The following ZBED4 variants were observed in gnomAD, a reference collection of about 807,000 sequenced individuals.
ZBED4 encodes zinc finger BED-type containing 4, also known as zinc finger BED domain-containing protein 4.
ZBED4 carries 4 observed loss-of-function variants against 15.5 expected under a neutral mutation model. The observed-to-expected ratio is 0.26, with a 90% CI of 0.13 to 0.59. The LOEUF is 0.59. Among genes scored for constraint, ZBED4 ranks in the 20% least tolerant of loss-of-function variants. ZBED4 has a pLI of 0.90. For missense variants in ZBED4, 1,323 were observed against 1,461.8 expected (o/e 0.91, Z 1.55); for synonymous variants, 692 against 608.5 (o/e 1.14, Z -2.02).
At chr22:49,876,191 GT>G (rs1181750785) in intron 1 of ZBED4, among the ~76,000 whole-genome samples, 3 of 152,028 alleles carry the variant, frequency 2.0e-5, no homozygotes, top group Non-Finnish European at 4.4e-5. Context: ...TTGCTTTATT[GT>G]CCAGAGAAGA....
At position 49,886,347 on chromosome 22, in the gene ZBED4, CT is replaced by C; in HGVS notation, c.2687del (p.Phe896SerfsTer26). Reference protein sequence around the residue: ...QDVPSKWSTSFHMLERLIEQK... With the variant: ...QDVPSKWSTSXHMLERLIEQK... ...ACGTCCCGTCCAAGTGGAGCACTTC[CT>C]TCCACATGCTCGAGCGGCTCATTGA... is the stretch of plus-strand genomic sequence containing the variant. On this transcript the variant is annotated frameshift_variant, in exon 2 of 2. Coordinates refer to ENST00000216268, the MANE Select transcript of ZBED4 (RefSeq NM_014838.3). LOFTEE classifies it high-confidence loss of function. This position sits in a 1 kb window ranked among gnomAD's most constrained non-coding sequence, Gnocchi z 7.7. 1.2e-6 allele frequency: 2 copies of C among 1,607,478 alleles called. No homozygotes were observed. The highest frequency in any genetic ancestry group is 1.7e-6 in the Non-Finnish European group (2 of 1,175,106).
In ZBED4 at chr22:49,883,849, G is replaced by A; in HGVS notation, c.187G>A (p.Gly63Arg). 6.2e-7 allele frequency: 1 copy of A among 1,609,362 alleles called. No homozygotes were observed. The change falls in exon 2 of 2, where the codon GGG becomes AGG. Residue 63 changes from glycine to arginine, a missense_variant. This residue lies in a region of ZBED4 where 380 missense variants were observed against 413.7 expected (regional missense o/e 0.92). Coordinates refer to ENST00000216268, the MANE Select transcript of ZBED4 (RefSeq NM_014838.3). Reference protein sequence around the residue: ...DSGGERAGLGGTGCSCKPPGK... With the variant: ...DSGGERAGLGRTGCSCKPPGK... ...CGGTGGGGAGCGAGCGGGCCTCGGT[G>A]GGACGGGTTGCAGCTGCAAGCCCCC...
chr22:49,853,424 G>A (rs963001434), upstream of ZBED4: 2 of 152,324 alleles, frequency 1.3e-5, no homozygotes, highest in South Asian at 2.1e-4. Context: ...CGCCAGGTAA[G>A]GGGGTTCGGG....
chr22:49,885,552 G>T lies in ZBED4; in HGVS notation c.1890G>T (p.Pro630=). 1 of 1,604,762 alleles carries T rather than the reference G, an allele frequency of 6.2e-7. No homozygotes were observed. The highest frequency in any genetic ancestry group is 8.5e-7 in the Non-Finnish European group (1 of 1,172,522). The change falls in exon 2 of 2, where the codon CCG becomes CCT. Residue 630 remains proline (P), a synonymous_variant. Transcript: ENST00000216268. The part of the protein sequence containing the change: ...ARPSSPDTRV[P]RGTELSGASS... The stretch of plus-strand genomic sequence containing the variant: ...CCTCCTCTCCGGACACCCGGGTGCC[G>T]CGGGGCACAGAATTATCAGGCGCTT...
chr22:49,871,199 T>A (rs2060345845), intron 1 of ZBED4, among the ~76,000 whole-genome samples: 2 of 23,602 alleles, frequency 8.5e-5, no homozygotes, highest in Non-Finnish European at 1.7e-4. Flanking sequence ...CGTGAGTCAC[T>A]GTGCCTGGCT....
chr22:49,883,995 C>G lies in ZBED4; in HGVS notation c.333C>G (p.Asn111Lys). ...AVTQSLLSSR[N>K]MSSRKKSPAW... ...CCCAGAGCCTCCTTTCCAGCCGGAA[C>G]ATGAGCTCCAGGAAGAAGTCTCCAG... Residue 111 changes from asparagine to lysine, a missense_variant, in exon 2 of 2, where the codon AAC (asparagine) becomes AAG (lysine). Around this residue, in one of 6 missense-constraint regions of ZBED4, gnomAD observed 380 missense variants for 413.7 expected, o/e 0.92. Transcript: ENST00000216268. 5 of 1,612,708 alleles carry G rather than the reference C, an allele frequency of 3.1e-6. 2 individuals carry two copies. In the South Asian group the frequency reaches 4.4e-5, roughly 14 times the overall value.
At chr22:49,873,682 G>A (rs771959360) in intron 1 of ZBED4, among the ~76,000 whole-genome samples, 4 of 137,842 alleles carry the variant, frequency 2.9e-5, no homozygotes, top group Admixed American at 6.7e-5. Context: ...AGCGAGGTGC[G>A]GTGATATGAG....
intron 1 of ZBED4, among the ~76,000 whole-genome samples, chr22:49,876,690 G>A (rs946432057): frequency 1.3e-5 from 2 of 151,970 alleles, no homozygotes; most frequent in Non-Finnish European, 1.5e-5. Flanking sequence ...CAGCTGCAGC[G>A]TTTACCCCGA....
At chr22:49,863,337 T>A (rs904701033) in intron 1 of ZBED4, among the ~76,000 whole-genome samples, 4 of 152,118 alleles carry the variant, frequency 2.6e-5, no homozygotes, top group East Asian at 1.9e-4. Flanking sequence ...GTTTTAAAAA[T>A]TTTTTTGTAG....
Position 49,877,729 on chromosome 22 carries a change from T to C in ZBED4, c.-329-5605T>C, listed in dbSNP as rs78286871. ...GAACATTTGCATATGAATCTTCATA[T>C]GGACATGCTTGTGTATCCATAAACC... is the stretch of plus-strand genomic sequence containing the variant. On this transcript the variant is annotated intron_variant, in intron 1 of 1. Transcript: ENST00000216268. Among the ~76,000 whole-genome samples the C allele has an allele frequency of 2.8e-3, 433 of 152,300 alleles. 11 individuals carry two copies. In the East Asian group the frequency reaches 0.047, roughly 17 times the overall value.
intron 1 of ZBED4, among the ~76,000 whole-genome samples, chr22:49,880,746 T>G (rs2060404896): frequency 6.6e-6 from 1 of 152,244 alleles, no homozygotes; most frequent in African/African-American, 2.4e-5. Flanking sequence ...AATTTTAGAC[T>G]TCTGTTTATC....
intron 1 of ZBED4, among the ~76,000 whole-genome samples, chr22:49,862,693 CTTTTTTTTTTTTTTTTTT>C (rs66520307): frequency 3.4e-5 from 2 of 58,988 alleles, no homozygotes; most frequent in Non-Finnish European, 6.5e-5. Flanking sequence ...TAAGTTTTTC[CTTTTTTTTTTTTTTTTTT>C]TTTTTTTTAG....
intron 1 of ZBED4, among the ~76,000 whole-genome samples, chr22:49,881,486 AATC>A (rs1478057161): frequency 3.3e-5 from 5 of 152,196 alleles, no homozygotes; most frequent in Admixed American, 3.3e-4. Context: ...TTTGGGTTCA[AATC>A]ATCATGTCTC....
chr22:49,883,634 A>C lies in ZBED4; in HGVS notation c.-29A>C. 2.7e-6 allele frequency: 4 copies of C among 1,509,008 alleles called. No homozygotes were observed. Among genetic ancestry groups the C allele is most frequent in the Non-Finnish European group, 3.6e-6 (4 of 1,122,140 alleles). 93.5% of individuals were successfully genotyped at this position (1,509,008 alleles called of 1,614,324 possible). A position where few individuals can be genotyped will look rare whatever the true frequency, so the allele number is the denominator to read the frequency against. On this transcript the variant is annotated 5_prime_UTR_variant, in exon 2 of 2. Transcript: ENST00000216268. Reference sequence around the variant, plus strand: ...CTTGGATCAGTGTTTTATGAACCTAAGATACAGCCGGAGTAGTTATGGTCA... The same window carrying C: ...CTTGGATCAGTGTTTTATGAACCTACGATACAGCCGGAGTAGTTATGGTCA...
At chr22:49,871,769 T>TTC (rs2060349376) in intron 1 of ZBED4, among the ~76,000 whole-genome samples, 2 of 149,334 alleles carry the variant, frequency 1.3e-5, no homozygotes, top group Non-Finnish European at 3.0e-5. Flanking sequence ...TTTTTTTTTT[T>TTC]TTTGAGACAG....
chr22:49,863,706 C>T (rs1476135305), intron 1 of ZBED4, among the ~76,000 whole-genome samples: 1 of 151,850 alleles, frequency 6.6e-6, no homozygotes, highest in Non-Finnish European at 1.5e-5. Flanking sequence ...AGATAAACCT[C>T]TTCTTATCCA....
At chr22:49,858,488 T>G (rs2060284164) in intron 1 of ZBED4, among the ~76,000 whole-genome samples, 1 of 152,184 alleles carries the variant, frequency 6.6e-6, no homozygotes, top group Non-Finnish European at 1.5e-5. Context: ...CGAATATATT[T>G]CTGTTGTTTG....
chr22:49,864,887 C>T (rs1475959143), intron 1 of ZBED4, among the ~76,000 whole-genome samples: 1 of 142,354 alleles, frequency 7.0e-6, no homozygotes, highest in Admixed American at 7.1e-5. Context: ...GTCAAACCAT[C>T]GATGAAGTTC....
chr22:49,875,834 A>G (rs1178066361), intron 1 of ZBED4, among the ~76,000 whole-genome samples: 1 of 152,114 alleles, frequency 6.6e-6, no homozygotes, highest in Non-Finnish European at 1.5e-5. Flanking sequence ...CATTCCTGGT[A>G]GTGGTAAATT....
Sources: allele counts gnomAD v4.1 joint callset (sites outside exome capture counted in the v4.1 genomes callset), GRCh38; gene constraint gnomAD v4.1.1; regional missense constraint gnomAD v4.1.1; non-coding constraint Gnocchi (gnomAD v3.1); transcripts MANE v1.5; gene names NCBI Gene and HGNC (gene_info 2026-07-23, HGNC 2026-07-21).